Variants in BTG4 observed in about 807,000 individuals in gnomAD.
The protein encoded by BTG4 is protein BTG4.
In BTG4, 10 loss-of-function variants were observed where a neutral mutation model predicts 19.3. The observed-to-expected ratio is 0.52, with a 90% CI of 0.32 to 0.88. The LOEUF is 0.88. BTG4 is among the 40% of genes least tolerant of loss of function. The probability of loss-of-function intolerance (pLI) is 0.04; values close to 1 mark genes in which losing one functional copy is unlikely to be tolerated. For missense variants in BTG4, 238 were observed against 281.9 expected (o/e 0.84, Z 1.11); for synonymous variants, 91 against 95.7 (o/e 0.95, Z 0.29).
intron 5 of BTG4, among the ~76,000 whole-genome samples, chr11:111,488,751 A>C (rs1441755832): frequency 6.6e-6 from 1 of 152,214 alleles, no homozygotes; most frequent in Non-Finnish European, 1.5e-5. Context: ...TCAATAGGGA[A>C]AAAAATTCAA....
chr11:111,508,093 T>A (rs1193573804), intron 1 of BTG4, among the ~76,000 whole-genome samples: 1 of 152,236 alleles, frequency 6.6e-6, no homozygotes, highest in Admixed American at 6.5e-5. Context: ...CACCTCTACT[T>A]TTCGTCGAAG....
At chr11:111,436,730 G>A in the BTG4 span, among the ~76,000 whole-genome samples, 1 of 152,140 alleles carries the variant, frequency 6.6e-6, no homozygotes, top group Non-Finnish European at 1.5e-5. Context: ...CTGGCCCAGG[G>A]GCAGGCGGCT....
the BTG4 span, among the ~76,000 whole-genome samples, chr11:111,440,837 A>T: frequency 6.6e-6 from 1 of 152,252 alleles, no homozygotes. Flanking sequence ...ACTATGTTGC[A>T]GCTCTGAGAC....
chr11:111,495,137 A>T lies in BTG4; in HGVS notation c.688T>A (p.Ter230ArgextTer21), dbSNP rs754863791. Reference protein sequence around the residue: ...DRYHWVNTHR* With the variant: ...DRYHWVNTHRR ...CCACCACGTGCCCAGTCGCTGCGTC[A>T]TCGGTGTGTGTTGACCCAGTGGTAC... The change falls in exon 5 of 5, where the codon TGA becomes AGA. Residue 230 changes from the stop codon to arginine, a stop_lost. Coordinates refer to ENST00000692032, the MANE Select transcript of BTG4 (RefSeq NM_001367975.1). 1 of 1,535,604 alleles carries T rather than the reference A, an allele frequency of 6.5e-7. No homozygotes were observed. Among genetic ancestry groups the T allele is most frequent in the East Asian group, 2.4e-5 (1 of 42,348 alleles).
chr11:111,416,198 G>T, the BTG4 span, among the ~76,000 whole-genome samples: 7 of 152,098 alleles, frequency 4.6e-5, no homozygotes, highest in African/African-American at 1.7e-4. Flanking sequence ...GTACTACTGA[G>T]GGTTGAGCCT....
At chr11:111,506,485 G>A (rs1015962396) in intron 1 of BTG4, among the ~76,000 whole-genome samples, 2 of 151,988 alleles carry the variant, frequency 1.3e-5, no homozygotes, top group African/African-American at 2.4e-5. Flanking sequence ...TCCAAAGGTG[G>A]GTGGGGAGGG....
the BTG4 span, chr11:111,400,903 A>G: frequency 6.6e-6 from 1 of 152,072 alleles, no homozygotes; most frequent in Non-Finnish European, 1.5e-5. Context: ...AAACAAACCC[A>G]AACTGAGGGA....
chr11:111,408,224 G>A, the BTG4 span, among the ~76,000 whole-genome samples: 3 of 152,216 alleles, frequency 2.0e-5, no homozygotes, highest in Non-Finnish European at 4.4e-5. Flanking sequence ...GAAGCAGGAA[G>A]CCATCCCCTC....
intron 3 of BTG4, 89 bp from the exon 4 acceptor site, chr11:111,497,498 T>C: frequency 1.2e-6 from 1 of 851,140 alleles, no homozygotes; most frequent in East Asian, 3.0e-5. Context: ...TGCTAACTTA[T>C]TTTAAAAGAA....
the BTG4 span, among the ~76,000 whole-genome samples, chr11:111,434,203 T>C: frequency 2.0e-5 from 3 of 152,244 alleles, no homozygotes; most frequent in African/African-American, 7.2e-5. Context: ...ATATACACCA[T>C]TGAATACTAT....
chr11:111,467,566 A>G (rs1863794546), exon 6 of BTG4: 2 of 687,852 alleles, frequency 2.9e-6, no homozygotes, highest in Admixed American at 2.5e-5. Context: ...GGCTCCAGAA[A>G]TCACCCTGAA....
At chr11:111,392,169 CTTTT>C in the BTG4 span, among the ~76,000 whole-genome samples, 1 of 85,396 alleles carries the variant, frequency 1.2e-5, no homozygotes, top group African/African-American at 4.7e-5. Context: ...CTGTGATTTT[CTTTT>C]TTTTTTTTTT....
At chr11:111,467,023 T>C (rs1863759822), downstream of BTG4, 1 of 152,650 alleles carries the variant, frequency 6.6e-6, no homozygotes, top group African/African-American at 2.4e-5. Flanking sequence ...CTTTCTAGTC[T>C]CTCCTTTAAG....
the BTG4 span, among the ~76,000 whole-genome samples, chr11:111,425,102 G>C: frequency 6.6e-6 from 1 of 152,160 alleles, no homozygotes; most frequent in African/African-American, 2.4e-5. Context: ...ATTTGGGCTG[G>C]ACCTGGGAAA....
chr11:111,484,151 T>C (rs1005875809), intron 5 of BTG4, among the ~76,000 whole-genome samples: 2 of 152,024 alleles, frequency 1.3e-5, no homozygotes, highest in African/African-American at 4.8e-5. Context: ...GAAGGAGAAA[T>C]ACTTTCATAG....
chr11:111,392,169 CTTTTTTTT>C, the BTG4 span, among the ~76,000 whole-genome samples: 1 of 85,394 alleles, frequency 1.2e-5, no homozygotes, highest in African/African-American at 4.7e-5. Flanking sequence ...CTGTGATTTT[CTTTTTTTT>C]TTTTTTTTTT....
At chr11:111,430,932 C>T in the BTG4 span, among the ~76,000 whole-genome samples, 1 of 152,214 alleles carries the variant, frequency 6.6e-6, no homozygotes, top group African/African-American at 2.4e-5. Context: ...TTCATTTATA[C>T]ATACCAGCCT....
chr11:111,448,230 AG>A, the BTG4 span, among the ~76,000 whole-genome samples: 1 of 152,176 alleles, frequency 6.6e-6, no homozygotes, highest in Non-Finnish European at 1.5e-5. Context: ...CAGAGAGGGT[AG>A]GAGCTGGGGG....
intron 5 of BTG4, among the ~76,000 whole-genome samples, chr11:111,482,699 C>T (rs1459598557): frequency 2.0e-5 from 3 of 152,090 alleles, no homozygotes; most frequent in Non-Finnish European, 4.4e-5. Flanking sequence ...GAAAGATAGT[C>T]TTTTCATTTT....
Sources: allele counts gnomAD v4.1 joint callset (sites outside exome capture counted in the v4.1 genomes callset), GRCh38; gene constraint gnomAD v4.1.1; transcripts MANE v1.5; gene names NCBI Gene and HGNC (gene_info 2026-07-23, HGNC 2026-07-21).